The following EARS2 variants were observed in gnomAD, a reference collection of about 807,000 sequenced individuals.
EARS2 encodes nondiscriminating glutamyl-tRNA synthetase EARS2, mitochondrial.
In EARS2, 50 loss-of-function variants were observed where a neutral mutation model predicts 54.1. That is an observed-to-expected ratio of 0.92 (90% CI 0.74 to 1.17). The LOEUF (loss-of-function observed/expected upper bound fraction) is 1.17, where lower values mean the gene tolerates loss of function less well. EARS2 is among the 50% of genes most tolerant of loss of function. The probability of loss-of-function intolerance (pLI) is 0.00; values close to 1 mark genes in which losing one functional copy is unlikely to be tolerated. For missense variants in EARS2, 673 were observed against 675.0 expected (o/e 1.00, Z 0.03); for synonymous variants, 298 against 281.0 (o/e 1.06, Z -0.61).
At chr16:23,544,438 G>C (rs1234503845) in intron 3 of EARS2, 76 bp downstream of exon 3, 5 of 1,420,688 alleles carry the variant, frequency 3.5e-6, no homozygotes, top group Non-Finnish European at 4.8e-6. Context: ...CATGTTTAGG[G>C]GAATTTCTTA....
chr16:23,529,879 C>G lies in EARS2; in HGVS notation c.1086G>C (p.Leu362=). Residue 362 remains leucine, a synonymous_variant, in exon 6 of 9, where the codon CTG becomes CTC. Coordinates refer to ENST00000449606, the MANE Select transcript of EARS2 (RefSeq NM_001083614.2). The part of the protein sequence containing the change: ...PEFNRLHLQR[L]VSNESQRRQL... Reference sequence around the variant, plus strand: ...GGCGCCTCTGGCTCTCATTGCTCACCAGCCGCTGGAGGTGCAGTCTGCGGA... The same window carrying G: ...GGCGCCTCTGGCTCTCATTGCTCACGAGCCGCTGGAGGTGCAGTCTGCGGA... 1 of 1,614,140 alleles carries G rather than the reference C, an allele frequency of 6.2e-7. No individual in the cohort carries two copies. Among genetic ancestry groups the G allele is most frequent in the Non-Finnish European group, 8.5e-7 (1 of 1,180,032 alleles).
intron 3 of EARS2, among the ~76,000 whole-genome samples, chr16:23,544,151 G>C (rs566383457): frequency 6.6e-6 from 1 of 152,304 alleles, no homozygotes; most frequent in African/African-American, 2.4e-5. Context: ...TCCTTGGCTG[G>C]CTTTGAGAAA....
Position 23,524,186 on chromosome 16 carries a change from G to A in EARS2, c.*185C>T, listed in dbSNP as rs1965185211. 1 of 633,172 alleles carries A rather than the reference G, an allele frequency of 1.6e-6. No homozygotes were observed. Among genetic ancestry groups the A allele is most frequent in the Admixed American group, 2.8e-5 (1 of 36,024 alleles). The allele number at this position is 633,172 out of a possible 1,614,324, so 39.2% of individuals were successfully genotyped here. A position where few individuals can be genotyped will look rare whatever the true frequency, so the allele number is the denominator to read the frequency against. ...AGGTTAGATGGGTTGGGCTTCCCCA[G>A]CCAATTGACAAAAACGTGCCTGTGG... is the stretch of plus-strand genomic sequence containing the variant. On this transcript the variant is annotated 3_prime_UTR_variant, in exon 9 of 9. Coordinates refer to ENST00000449606, the MANE Select transcript of EARS2 (RefSeq NM_001083614.2).
intron 3 of EARS2, among the ~76,000 whole-genome samples, chr16:23,538,802 G>GT (rs1178643202): frequency 2.6e-5 from 4 of 152,024 alleles, no homozygotes; most frequent in Non-Finnish European, 5.9e-5. Context: ...CAAGGCTGTG[G>GT]TGAGTCATGA....
At position 23,539,104 on chromosome 16, in the gene EARS2, A is replaced by C. The variant is rs148876770; in HGVS notation, c.486-3744T>G. Among the ~76,000 whole-genome samples, 842 of 151,514 alleles carry C rather than the reference A, an allele frequency of 5.6e-3. 4 individuals carry two copies. Among genetic ancestry groups the C allele is most frequent in the African/African-American group, 0.019 (780 of 41,256 alleles). The stretch of plus-strand genomic sequence containing the variant: ...CTGATTCTCCTGCCTCAGCCTCCTA[A>C]GTAGCTGAGATTATGGGCACACACC... On this transcript the variant is annotated intron_variant, in intron 3 of 8. Transcript: ENST00000449606.
At chr16:23,537,786 T>A (rs1423129395) in intron 3 of EARS2, among the ~76,000 whole-genome samples, 2 of 148,834 alleles carry the variant, frequency 1.3e-5, no homozygotes, top group East Asian at 3.9e-4. Flanking sequence ...TTTCTTTTCT[T>A]TTTCTTTCTT....
chr16:23,541,913 C>T (rs1965518872), intron 3 of EARS2, among the ~76,000 whole-genome samples: 1 of 150,962 alleles, frequency 6.6e-6, no homozygotes, highest in African/African-American at 2.4e-5. Context: ...GGCTGGAGTA[C>T]AATGGCATGA....
At chr16:23,536,687 T>C (rs111458574) in intron 3 of EARS2, among the ~76,000 whole-genome samples, 2,209 of 146,212 alleles carry the variant, frequency 0.015, 22 homozygotes, top group South Asian at 0.02. Flanking sequence ...TTTTTCTTTT[T>C]TTTTTTTTTT....
intron 1 of EARS2, among the ~76,000 whole-genome samples, chr16:23,552,719 G>A (rs1965716853): frequency 6.6e-6 from 1 of 152,312 alleles, no homozygotes; most frequent in African/African-American, 2.4e-5. Context: ...TTGAACTCCT[G>A]GCCTCAAGTG....
intron 2 of EARS2, 38 bp from the exon 3 acceptor site, chr16:23,544,741 A>C (rs1017450826): frequency 2.4e-5 from 37 of 1,538,406 alleles, no homozygotes; most frequent in Non-Finnish European, 3.3e-5. Context: ...AGGTGCACAC[A>C]GCGCTCGTTC....
chr16:23,544,581 A>G lies in EARS2; in HGVS notation c.418T>C (p.Cys140Arg), dbSNP rs773026370. Reference protein sequence around the residue: ...ALLKTGAAYPCFCSPQRLELL... With the variant: ...ALLKTGAAYPRFCSPQRLELL... ...TCCAGCCGCTGGGGTGAGCAGAAAC[A>G]GGGGTAAGCAGCTCCGGTCTTCAGC... The change falls in exon 3 of 9, where the codon TGT becomes CGT. Residue 140 changes from cysteine to arginine, a missense_variant. Around this residue, in one of 3 missense-constraint regions of EARS2, gnomAD observed 316 missense variants for 275.2 expected, o/e 1.15. Coordinates refer to ENST00000449606, the MANE Select transcript of EARS2 (RefSeq NM_001083614.2). The G allele has an allele frequency of 1.2e-6, 2 of 1,613,894 alleles. No individual in the cohort carries two copies. Among genetic ancestry groups the G allele is most frequent in the African/African-American group, 1.3e-5 (1 of 74,914 alleles).
intron 1 of EARS2, chr16:23,556,743 AG>A (rs1362307090): frequency 1.3e-5 from 5 of 374,484 alleles, no homozygotes; most frequent in Admixed American, 3.7e-5. Flanking sequence ...TGCTCAGTAA[AG>A]CCTTCTGGAG....
At chr16:23,544,205 T>C (rs1266478062) in intron 3 of EARS2, among the ~76,000 whole-genome samples, 4 of 152,174 alleles carry the variant, frequency 2.6e-5, no homozygotes, top group Non-Finnish European at 4.4e-5. Context: ...GAGGCTCGCA[T>C]GGCAAAGAAC....
chr16:23,537,790 C>A (rs1460787590), intron 3 of EARS2, among the ~76,000 whole-genome samples: 1 of 145,574 alleles, frequency 6.9e-6, no homozygotes, highest in Non-Finnish European at 1.5e-5. Flanking sequence ...TTTTCTTTTT[C>A]TTTCTTTTTT....
chr16:23,547,625 C>T (rs1226903963), intron 2 of EARS2, among the ~76,000 whole-genome samples: 1 of 152,126 alleles, frequency 6.6e-6, no homozygotes, highest in African/African-American at 2.4e-5. Context: ...CTGCCTCAGC[C>T]TCCTGAGTAG....
intron 2 of EARS2, among the ~76,000 whole-genome samples, chr16:23,545,619 G>A (rs755966228): frequency 1.3e-5 from 2 of 152,120 alleles, no homozygotes; most frequent in East Asian, 1.9e-4. Flanking sequence ...AATGGGCACC[G>A]GAGCCGATAT....
Position 23,525,299 on chromosome 16 carries a change from C to G in EARS2, c.1433G>C (p.Gly478Ala). The G allele has an allele frequency of 1.2e-6, 2 of 1,614,084 alleles. No homozygotes were observed. Among genetic ancestry groups the G allele is most frequent in the Non-Finnish European group, 1.7e-6 (2 of 1,180,020 alleles). Residue 478 changes from glycine (G) to alanine (A), a missense_variant, in exon 8 of 9, where the codon GGC becomes GCC. By Grantham distance (60) the Gly-to-Ala change is moderately conservative. This residue lies in a region of EARS2 where 338 missense variants were observed against 361.2 expected (regional missense o/e 0.94). Coordinates refer to ENST00000449606, the MANE Select transcript of EARS2 (RefSeq NM_001083614.2). ...TTTCATCACATTACTGTACTTGGTG[C>G]CTTCCAGACCTTCTGATAGCTTCTT... Reference protein sequence around the residue: ...ELKKLSEGLEGTKYSNVMKLL... With the variant: ...ELKKLSEGLEATKYSNVMKLL...
At chr16:23,556,738 A>G (rs1597031730) in intron 1 of EARS2, 1 of 372,830 alleles carries the variant, frequency 2.7e-6, no homozygotes, top group East Asian at 7.2e-5. Flanking sequence ...TTACCTGCTC[A>G]GTAAAGCCTT....
chr16:23,549,235 C>T (rs997615294), intron 2 of EARS2, among the ~76,000 whole-genome samples: 1 of 152,168 alleles, frequency 6.6e-6, no homozygotes, highest in Non-Finnish European at 1.5e-5. Context: ...AGCTATAACA[C>T]CCCTTGGAGC....
Sources: allele counts gnomAD v4.1 joint callset (sites outside exome capture counted in the v4.1 genomes callset), GRCh38; gene constraint gnomAD v4.1.1; regional missense constraint gnomAD v4.1.1; transcripts MANE v1.5; gene names NCBI Gene and HGNC (gene_info 2026-07-23, HGNC 2026-07-21).